Variants in ZNF454 observed in about 807,000 individuals in gnomAD.
The protein encoded by ZNF454 is zinc finger protein 454.
ZNF454 carries 30 observed loss-of-function variants against 48.2 expected under a neutral mutation model. The observed-to-expected ratio is 0.62, with a 90% confidence interval of 0.47 to 0.84. The LOEUF (loss-of-function observed/expected upper bound fraction) is 0.84. Ranked by LOEUF, ZNF454 falls within the 40% of genes least tolerant of loss-of-function variation. The pLI, the probability that ZNF454 is intolerant of heterozygous loss-of-function variation, is 0.00. For synonymous variants in ZNF454, 204 were observed against 211.4 expected, an observed-to-expected ratio of 0.97 and a Z score of 0.30; for missense variants, 510 against 623.1, an observed-to-expected ratio of 0.82 and a Z score of 1.93.
chr5:178,943,893 G>C (rs963451224), intron 2 of ZNF454, among the ~76,000 whole-genome samples: 11 of 152,226 alleles, frequency 7.2e-5, no homozygotes, highest in African/African-American at 2.4e-4. Context: ...TGGGCGTGGT[G>C]GTGGGCGCCT....
intron 4 of ZNF454, among the ~76,000 whole-genome samples, chr5:178,956,247 GA>G (rs1386074406): frequency 6.6e-6 from 1 of 152,014 alleles, no homozygotes; most frequent in Non-Finnish European, 1.5e-5. Flanking sequence ...TAAAGATAAT[GA>G]TTTTCAAAGA....
chr5:178,976,322 GT>G, the ZNF454 span, among the ~76,000 whole-genome samples: 4 of 152,276 alleles, frequency 2.6e-5, no homozygotes, highest in South Asian at 8.3e-4. Flanking sequence ...GTTGTTTATT[GT>G]GTGTCTCCAC....
At chr5:178,973,715 C>T in the ZNF454 span, among the ~76,000 whole-genome samples, 2,985 of 151,982 alleles carry the variant, frequency 0.02, 98 homozygotes, top group East Asian at 0.14. Flanking sequence ...TGGTGGCGGG[C>T]GCCTGTAGTC....
the ZNF454 span, among the ~76,000 whole-genome samples, chr5:178,988,024 T>G: frequency 6.6e-6 from 1 of 152,180 alleles, no homozygotes; most frequent in African/African-American, 2.4e-5. This position sits in a 1 kb window ranked among gnomAD's most constrained non-coding sequence, Gnocchi z 6.0. Flanking sequence ...CCTCCCAAAG[T>G]GCTCAGATTA....
Position 178,965,798 on chromosome 5 carries a change from A to G in ZNF454, c.1394A>G (p.Glu465Gly), listed in dbSNP as rs1760130770. ...LTQHKRIHTR[E>G]KPYKCKICEK... is the part of the protein sequence containing the mutation. ...CAACATAAGAGAATTCATACTAGGG[A>G]AAAACCTTACAAATGTAAAATCTGT... Residue 465 changes from glutamate to glycine, a missense_variant, in exon 5 of 5, where the codon GAA becomes GGA. By Grantham distance (98) the Glu-to-Gly change is moderately conservative (BLOSUM62 -2). Around this residue, in one of 3 missense-constraint regions of ZNF454, gnomAD observed 153 missense variants for 195.8 expected, o/e 0.78. Coordinates refer to ENST00000519564, the MANE Select transcript of ZNF454 (RefSeq NM_001178089.3). This position sits in a 1 kb window ranked among gnomAD's most constrained non-coding sequence, Gnocchi z 5.2. 1 of 1,614,200 alleles carries G rather than the reference A, an allele frequency of 6.2e-7. No individual in the cohort carries two copies. The highest frequency in any genetic ancestry group is 1.1e-5 in the South Asian group (1 of 91,082).
chr5:178,987,413 G>A, the ZNF454 span: 9 of 459,106 alleles, frequency 2.0e-5, no homozygotes, highest in African/African-American at 1.0e-4. Context: ...CAACCCGAGC[G>A]TCCACTGACA....
chr5:178,963,268 C>G (rs79628604), intron 4 of ZNF454, among the ~76,000 whole-genome samples: 390 of 151,912 alleles, frequency 2.6e-3, no homozygotes, highest in African/African-American at 9.0e-3. Context: ...CTGCCACAGT[C>G]TACTCTATTT....
rs1358389669 is a variant in ZNF454 at position 178,965,238 on chromosome 5, A to G, written c.834A>G (p.Gly278=). Residue 278 remains glycine, a synonymous_variant, in exon 5 of 5, where the codon GGA becomes GGG. Coordinates refer to ENST00000519564, the MANE Select transcript of ZNF454 (RefSeq NM_001178089.3). This position sits in a 1 kb window ranked among gnomAD's most constrained non-coding sequence, Gnocchi z 5.2. Reference sequence around the variant, plus strand: ...AGCCTTTTGAATGCAACTTATGTGGAAAAGCTTTTATCCGAAATATACACC... The same window carrying G: ...AGCCTTTTGAATGCAACTTATGTGGGAAAGCTTTTATCCGAAATATACACC... ...GEKPFECNLC[G]KAFIRNIHLA... The G allele has an allele frequency of 1.9e-6, 3 of 1,614,154 alleles. No individual in the cohort carries two copies. The highest frequency in any genetic ancestry group is 2.5e-6 in the Non-Finnish European group (3 of 1,180,014).
intron 2 of ZNF454, among the ~76,000 whole-genome samples, chr5:178,945,028 A>ATG (rs150814446): frequency 5.8e-4 from 72 of 124,522 alleles, no homozygotes; most frequent in African/African-American, 1.9e-3. Flanking sequence ...ACACGTGTGC[A>ATG]TGTGTGTGTG....
chr5:178,941,585 A>G lies in ZNF454; in HGVS notation c.-108+141A>G, dbSNP rs1759091516. 1 of 435,902 alleles carries G rather than the reference A, an allele frequency of 2.3e-6. No homozygotes were observed. The highest frequency in any genetic ancestry group is 2.5e-5 in the Admixed American group (1 of 40,284). 27.0% of individuals were successfully genotyped at this position (435,902 alleles called of 1,614,324 possible). On this transcript the variant is annotated intron_variant, in intron 1 of 4. Transcript: ENST00000519564. This position sits in a 1 kb window ranked among gnomAD's most constrained non-coding sequence, Gnocchi z 5.5. ...TCTTGGAGCGGACTCCGAGAAGCCCAGGGTTTCCTCTCAGGTGATAGATAC... is the reference window on the plus strand; with the variant it reads ...TCTTGGAGCGGACTCCGAGAAGCCCGGGGTTTCCTCTCAGGTGATAGATAC...
chr5:178,985,539 T>A, the ZNF454 span: 1 of 337,364 alleles, frequency 3.0e-6, no homozygotes, highest in South Asian at 2.3e-5. Context: ...CTGTCTCTAC[T>A]AAAAATACAA....
chr5:178,985,208 C>G, the ZNF454 span: 9 of 452,608 alleles, frequency 2.0e-5, no homozygotes, highest in Admixed American at 2.1e-4. Context: ...GCTCTTTGAC[C>G]TGTTTCCATA....
At chr5:178,952,728 T>C (rs1433192508) in intron 4 of ZNF454, among the ~76,000 whole-genome samples, 1 of 144,812 alleles carries the variant, frequency 6.9e-6, no homozygotes, top group Non-Finnish European at 1.5e-5. Context: ...AATAAGTTAA[T>C]TTCTAATAAT....
At chr5:178,945,202 G>A (rs1398533345) in intron 2 of ZNF454, among the ~76,000 whole-genome samples, 2 of 151,238 alleles carry the variant, frequency 1.3e-5, no homozygotes, top group Admixed American at 6.6e-5. Flanking sequence ...TTGTGTGTAT[G>A]TGTCTGTGTG....
At chr5:178,962,203 C>T (rs138299682) in intron 4 of ZNF454, among the ~76,000 whole-genome samples, 216 of 151,288 alleles carry the variant, frequency 1.4e-3, no homozygotes, top group African/African-American at 5.0e-3. Context: ...ACTTCATTGT[C>T]TTCTGGGTTC....
the ZNF454 span, chr5:178,986,089 TC>T: frequency 2.5e-5 from 39 of 1,583,082 alleles, 1 homozygote; most frequent in South Asian, 3.5e-4. Flanking sequence ...TTGCGGACAG[TC>T]CCCCTCCCTG....
the ZNF454 span, chr5:178,987,190 G>A: frequency 1.4e-6 from 1 of 697,700 alleles, no homozygotes; most frequent in Non-Finnish European, 2.6e-6. Flanking sequence ...AGTGTTGTGA[G>A]CGTGTGGAGA....
chr5:178,980,620 G>T, the ZNF454 span: 830 of 153,720 alleles, frequency 5.4e-3, 6 homozygotes, highest in African/African-American at 0.017. The surrounding 1 kb of genome is among the most constrained non-coding windows in gnomAD (Gnocchi z 4.3). Flanking sequence ...AGGTTTGGGG[G>T]TTTTTTTGGT....
chr5:178,983,191 G>A, the ZNF454 span: 9 of 1,612,714 alleles, frequency 5.6e-6, no homozygotes, highest in East Asian at 4.5e-5. Context: ...TGTGGGGGCC[G>A]GGCCCCCAGC....
Sources: allele counts gnomAD v4.1 joint callset (sites outside exome capture counted in the v4.1 genomes callset), GRCh38; gene constraint gnomAD v4.1.1; regional missense constraint gnomAD v4.1.1; non-coding constraint Gnocchi (gnomAD v3.1); transcripts MANE v1.5; gene names NCBI Gene and HGNC (gene_info 2026-07-23, HGNC 2026-07-21).